Variants in IPO8 observed in about 807,000 individuals in gnomAD.
The protein encoded by IPO8 is importin-8.
In IPO8, 65 loss-of-function variants were observed where a neutral mutation model predicts 141.2. The ratio of observed to expected loss-of-function variants is 0.46; its 90% CI spans 0.38 to 0.57. IPO8 has a LOEUF of 0.57. Among genes scored for constraint, IPO8 ranks in the 20% least tolerant of loss-of-function variants. IPO8 has a pLI of 0.00. For missense variants in IPO8, 980 were observed against 1,246.8 expected, an observed-to-expected ratio of 0.79 and a Z score of 3.22; for synonymous variants, 411 against 420.3, an observed-to-expected ratio of 0.98 and a Z score of 0.27.
intron 21 of IPO8, among the ~76,000 whole-genome samples, chr12:30,638,496 A>C (rs914152130): frequency 6.6e-6 from 1 of 152,180 alleles, no homozygotes; most frequent in Admixed American, 6.5e-5. Flanking sequence ...CCTCTCAGGA[A>C]ATTTTTCTAA....
At chr12:30,654,723 G>C (rs567114744) in intron 17 of IPO8, among the ~76,000 whole-genome samples, 1 of 152,118 alleles carries the variant, frequency 6.6e-6, no homozygotes, top group South Asian at 2.1e-4. Context: ...AGGGGATGTA[G>C]AGAAAAAGGA....
intron 19 of IPO8, among the ~76,000 whole-genome samples, chr12:30,650,225 A>C (rs2052707319): frequency 6.6e-6 from 1 of 152,060 alleles, no homozygotes; most frequent in South Asian, 2.1e-4. Context: ...AGAAAAATAA[A>C]ATTTAAGAAA....
chr12:30,671,591 A>G (rs2043845), intron 8 of IPO8, among the ~76,000 whole-genome samples: 76,512 of 149,614 alleles, frequency 0.51, 19,655 homozygotes, highest in African/African-American at 0.54. Flanking sequence ...GGAGAATGGC[A>G]TGAACCCCGG....
At chr12:30,633,166 C>G (rs1477136280) in intron 23 of IPO8, among the ~76,000 whole-genome samples, 1 of 152,104 alleles carries the variant, frequency 6.6e-6, no homozygotes, top group Non-Finnish European at 1.5e-5. Flanking sequence ...ATAAGAACAT[C>G]TAGGTAGTTT....
chr12:30,676,840 A>G, intron 5 of IPO8: 1 of 1,132,906 alleles, frequency 8.8e-7, no homozygotes, highest in Non-Finnish European at 1.3e-6. Flanking sequence ...AATGAATACC[A>G]CTGAGGTCTC....
At chr12:30,655,312 C>G (rs1216307279) in intron 17 of IPO8, among the ~76,000 whole-genome samples, 1 of 152,134 alleles carries the variant, frequency 6.6e-6, no homozygotes, top group Non-Finnish European at 1.5e-5. Flanking sequence ...GGTCTTTTTA[C>G]TGAAAGATGT....
chr12:30,675,995 C>A (rs2053116162), intron 6 of IPO8, among the ~76,000 whole-genome samples: 2 of 151,666 alleles, frequency 1.3e-5, no homozygotes, highest in Non-Finnish European at 1.5e-5. Context: ...GCTCTGTCCC[C>A]CAAGCATAGT....
At chr12:30,669,318 G>A (rs761726880) in intron 9 of IPO8, 36 bp from the exon 10 acceptor site, 3 of 1,003,362 alleles carry the variant, frequency 3.0e-6, no homozygotes, top group Middle Eastern at 4.3e-4. Flanking sequence ...TAACAAATGG[G>A]TATAGGCTAT....
At chr12:30,652,133 A>G in intron 19 of IPO8, 59 bp downstream of exon 19, 1 of 930,520 alleles carries the variant, frequency 1.1e-6, no homozygotes, top group Non-Finnish European at 1.7e-6. Context: ...AGTATCCTGA[A>G]GCAAAACAGG....
At chr12:30,643,147 A>G (rs2052596546) in intron 20 of IPO8, among the ~76,000 whole-genome samples, 1 of 152,196 alleles carries the variant, frequency 6.6e-6, no homozygotes, top group Non-Finnish European at 1.5e-5. Context: ...TAAAGAAGAA[A>G]TGACAGAATT....
rs1436711566 is a variant in IPO8 at position 30,684,152 on chromosome 12, G to A, written c.323+149C>T. 3 of 635,594 alleles carry A rather than the reference G, an allele frequency of 4.7e-6. No homozygotes were observed. The African/African-American group carries it at 5.5e-5, about 12-fold the overall frequency. 39.4% of individuals were successfully genotyped at this position (635,594 alleles called of 1,614,324 possible). A position where few individuals can be genotyped will look rare whatever the true frequency, so the allele number is the denominator to read the frequency against. On this transcript the variant is annotated intron_variant, in intron 3 of 24. Transcript: ENST00000256079. ...GAATTACAAATGCAAAGACCACTAA[G>A]TAAAATAATATTCTTTGAGTGTCCC...
At chr12:30,690,631 A>G (rs143783197) in intron 1 of IPO8, 54 bp from the exon 2 acceptor site, 10 of 937,246 alleles carry the variant, frequency 1.1e-5, no homozygotes, top group African/African-American at 8.6e-5. Flanking sequence ...TGAGTAGCTT[A>G]TAAGTTAGCA....
chr12:30,674,913 A>C (rs2053099488), intron 6 of IPO8, among the ~76,000 whole-genome samples, 160 bp from the exon 7 acceptor site: 1 of 152,246 alleles, frequency 6.6e-6, no homozygotes, highest in Non-Finnish European at 1.5e-5. Flanking sequence ...GGCAGGAATT[A>C]AATAAGCAAA....
At position 30,639,061 on chromosome 12, in the gene IPO8, C is replaced by G. The variant is rs145276587; in HGVS notation, c.2489+454G>C. ...CAGCACCTGGGCTACAAATAACAAG[C>G]CTTCTGACTCCACTTTTGAGAACAG... On this transcript the variant is annotated intron_variant, in intron 21 of 24. Coordinates refer to ENST00000256079, the MANE Select transcript of IPO8 (RefSeq NM_006390.4). 1.1e-3 allele frequency among the ~76,000 whole-genome samples: 164 copies of G among 152,182 alleles called. 5 individuals carry two copies. Among genetic ancestry groups the G allele is most frequent in the Admixed American group, 9.8e-3 (150 of 15,280 alleles).
chr12:30,637,335 T>C (rs1201972154), intron 21 of IPO8, 148 bp from the exon 22 acceptor site: 5 of 642,542 alleles, frequency 7.8e-6, no homozygotes, highest in Non-Finnish European at 1.3e-5. Flanking sequence ...TTGTACTGTA[T>C]GAAATGCTAT....
At chr12:30,662,251 G>T in intron 15 of IPO8, 76 bp downstream of exon 15, 1 of 1,164,876 alleles carries the variant, frequency 8.6e-7, no homozygotes, top group Non-Finnish European at 1.2e-6. Flanking sequence ...AAATAAAACT[G>T]AACTCCATAT....
intron 11 of IPO8, 61 bp downstream of exon 11, chr12:30,666,114 A>G (rs2136153698): frequency 9.9e-7 from 1 of 1,005,612 alleles, no homozygotes; most frequent in Admixed American, 2.4e-5. Flanking sequence ...GGGATATACT[A>G]GAGTATCAAC....
rs1221742620 is a variant in IPO8, at chr12:30,678,812, T to C, written c.639+1670A>G. 3.3e-5 allele frequency among the ~76,000 whole-genome samples: 5 copies of C among 152,144 alleles called. No homozygotes were observed. The East Asian group carries it at 9.6e-4, about 29-fold the overall frequency. On this transcript the variant is annotated intron_variant, in intron 5 of 24. Transcript: ENST00000256079. ...ATATCCAAGTGTCCTGTACAAATAT[T>C]ATGCTACTTAGACAAGATCTGTTGT...
intron 2 of IPO8, among the ~76,000 whole-genome samples, chr12:30,690,125 G>C (rs878885346): frequency 2.0e-5 from 3 of 152,210 alleles, no homozygotes; most frequent in Admixed American, 2.0e-4. Flanking sequence ...CCACGTAACA[G>C]AGCTCGAATT....
Sources: allele counts gnomAD v4.1 joint callset (sites outside exome capture counted in the v4.1 genomes callset), GRCh38; gene constraint gnomAD v4.1.1; transcripts MANE v1.5; gene names NCBI Gene and HGNC (gene_info 2026-07-23, HGNC 2026-07-21).